SLIT3: variants seen among roughly 807,000 people sequenced by gnomAD.
The protein encoded by SLIT3 is slit homolog 3 protein.
SLIT3 carries 68 observed loss-of-function variants against 184.0 expected under a neutral mutation model. That is an observed-to-expected ratio of 0.37 (90% CI 0.30 to 0.45). SLIT3 has a LOEUF of 0.45. SLIT3 is among the 20% of genes least tolerant of loss of function. The pLI is 1.00. For synonymous variants in SLIT3, 831 were observed against 828.6 expected (o/e 1.00, Z -0.05); for missense variants, 1,707 against 2,026.0 (o/e 0.84, Z 3.02).
intron 5 of SLIT3, among the ~76,000 whole-genome samples, chr5:168,872,528 C>T (rs1432001110): frequency 1.3e-5 from 2 of 151,626 alleles, no homozygotes; most frequent in East Asian, 3.9e-4. Flanking sequence ...ACACTTTCCA[C>T]TCAATTCTTC....
intron 3 of SLIT3, among the ~76,000 whole-genome samples, chr5:169,195,809 A>T (rs1458545544): frequency 6.6e-6 from 1 of 152,150 alleles, no homozygotes; most frequent in African/African-American, 2.4e-5. Context: ...TACAGGAGTG[A>T]GTCACCGTGC....
intron 4 of SLIT3, among the ~76,000 whole-genome samples, chr5:169,048,758 T>C (rs1757713744): frequency 6.6e-6 from 1 of 152,218 alleles, no homozygotes; most frequent in Non-Finnish European, 1.5e-5. Context: ...ACATTGCCTC[T>C]ATCTCATCTC....
At position 169,038,800 on chromosome 5, in the gene SLIT3, A is replaced by G. The variant is rs887722548; in HGVS notation, c.413+154679T>C. On this transcript the variant is annotated intron_variant, in intron 4 of 35. Transcript: ENST00000519560. ...TTGTTCAGTGGTGTCACAGGGAGCTATGCTTTGTTCATATGACACACAGTA... is the reference window on the plus strand; with the variant it reads ...TTGTTCAGTGGTGTCACAGGGAGCTGTGCTTTGTTCATATGACACACAGTA... Among the ~76,000 whole-genome samples the G allele has an allele frequency of 2.0e-5, 3 of 152,282 alleles. 1 individual carries two copies. Among genetic ancestry groups the G allele is most frequent in the African/African-American group, 4.8e-5 (2 of 41,554 alleles).
At chr5:168,777,530 A>G (rs1371806626) in intron 12 of SLIT3, among the ~76,000 whole-genome samples, 4 of 152,034 alleles carry the variant, frequency 2.6e-5, no homozygotes, top group Non-Finnish European at 5.9e-5. Context: ...TTTGTTTCCT[A>G]TTGCTCCTAG....
intron 4 of SLIT3, among the ~76,000 whole-genome samples, chr5:169,188,620 C>A (rs1406420211): frequency 1.3e-5 from 2 of 152,164 alleles, no homozygotes; most frequent in African/African-American, 4.8e-5. Context: ...CTAGGTGCTA[C>A]AAAGTTTATA....
chr5:168,737,650 A>C (rs1763482080), intron 20 of SLIT3, among the ~76,000 whole-genome samples: 1 of 152,222 alleles, frequency 6.6e-6, no homozygotes, highest in Admixed American at 6.5e-5. Context: ...TAGACCAAAA[A>C]TATATGTCTA....
In SLIT3 at chr5:169,085,528, T is replaced by G. The variant is rs75460019; in HGVS notation, c.413+107951A>C. Among the ~76,000 whole-genome samples the G allele has an allele frequency of 6.7e-3, 1,027 of 152,316 alleles. 13 individuals carry two copies. The highest frequency in any genetic ancestry group is 0.024 in the African/African-American group (986 of 41,574). On this transcript the variant is annotated intron_variant, in intron 4 of 35. Transcript: ENST00000519560. ...CTGCAAAACTTAAGGGACTTTTAATTGTCCAGATCCACCCCAATTCCCCAA... is the reference window on the plus strand; with the variant it reads ...CTGCAAAACTTAAGGGACTTTTAATGGTCCAGATCCACCCCAATTCCCCAA...
rs75868766 is a variant in SLIT3, at chr5:169,261,441, C to T, written c.198-9982G>A. Reference sequence around the variant, plus strand: ...GAGAAACACAGATCTTTCTTCCCTTCCTTCTTTCTTCTTTTCTTTCCTTAT... The same window carrying T: ...GAGAAACACAGATCTTTCTTCCCTTTCTTCTTTCTTCTTTTCTTTCCTTAT... On this transcript the variant is annotated intron_variant, in intron 1 of 35. Transcript: ENST00000519560. Among the ~76,000 whole-genome samples the T allele has an allele frequency of 3.7e-3, 558 of 152,210 alleles. 3 individuals are homozygous for T. Among genetic ancestry groups the T allele is most frequent in the African/African-American group, 0.013 (533 of 41,530 alleles).
intron 18 of SLIT3, among the ~76,000 whole-genome samples, chr5:168,752,222 C>T (rs904704554): frequency 2.0e-5 from 3 of 152,094 alleles, no homozygotes; most frequent in Non-Finnish European, 4.4e-5. Flanking sequence ...GCACTGTGAC[C>T]ATGCTGACAG....
chr5:168,774,313 T>A lies in SLIT3; in HGVS notation c.1217A>T (p.Asn406Ile). The A allele has an allele frequency of 6.2e-7, 1 of 1,614,028 alleles. No individual in the cohort carries two copies. The highest frequency in any genetic ancestry group is 8.5e-7 in the Non-Finnish European group (1 of 1,179,970). ...VNTFQDLQNLNLLSLYDNKLQ... is the reference protein window; with the variant it reads ...VNTFQDLQNLILLSLYDNKLQ... ...CTTGTTGTCATACAGGGAGAGCAAG[T>A]TGAGGTTCTGCAGGTCCTGAAACGT... Residue 406 changes from asparagine (N) to isoleucine (I), a missense_variant, in exon 13 of 36, where the codon AAC becomes ATC. Physicochemically the swap from Asn to Ile is moderately radical, Grantham distance 149 (BLOSUM62 -3). Around this residue, in one of 3 missense-constraint regions of SLIT3, gnomAD observed 1,307 missense variants for 1,511.6 expected, o/e 0.86. Transcript: ENST00000519560.
At chr5:169,028,642 G>A (rs891829647) in intron 4 of SLIT3, among the ~76,000 whole-genome samples, 3 of 152,168 alleles carry the variant, frequency 2.0e-5, no homozygotes, top group Non-Finnish European at 4.4e-5. Context: ...GCATTTATTT[G>A]CACATGTCCA....
At chr5:169,093,218 G>A (rs1002183282) in intron 4 of SLIT3, among the ~76,000 whole-genome samples, 2 of 152,082 alleles carry the variant, frequency 1.3e-5, no homozygotes, top group Non-Finnish European at 2.9e-5. Flanking sequence ...CTTCTTTACT[G>A]GTTTCATTCT....
intron 3 of SLIT3, among the ~76,000 whole-genome samples, chr5:169,201,141 G>A (rs546349635): frequency 2.8e-4 from 43 of 152,280 alleles, no homozygotes; most frequent in Non-Finnish European, 5.0e-4. Context: ...ATGGTATTCA[G>A]TATTTGATCA....
At chr5:169,141,021 A>C (rs761494496) in intron 4 of SLIT3, among the ~76,000 whole-genome samples, 1 of 152,138 alleles carries the variant, frequency 6.6e-6, no homozygotes, top group Non-Finnish European at 1.5e-5. Context: ...TCCTTTTCAC[A>C]ATGCGATAAA....
intron 10 of SLIT3, among the ~76,000 whole-genome samples, chr5:168,795,206 G>A (rs1756524809): frequency 6.6e-6 from 1 of 152,232 alleles, no homozygotes. Context: ...CCAAGGGACA[G>A]TATAAATGGT....
At chr5:169,205,739 C>T (rs115450852) in intron 3 of SLIT3, among the ~76,000 whole-genome samples, 20 of 152,184 alleles carry the variant, frequency 1.3e-4, no homozygotes, top group African/African-American at 4.3e-4. Flanking sequence ...CTGCCCAAGC[C>T]CCCTGTGCTG....
At chr5:169,069,827 A>C (rs956799163) in intron 4 of SLIT3, among the ~76,000 whole-genome samples, 1 of 151,976 alleles carries the variant, frequency 6.6e-6, no homozygotes, top group Non-Finnish European at 1.5e-5. Flanking sequence ...AGAACAGAGA[A>C]GCAGGCAGGC....
chr5:169,267,346 T>C (rs1192809220), intron 1 of SLIT3, among the ~76,000 whole-genome samples: 1 of 152,216 alleles, frequency 6.6e-6, no homozygotes, highest in Non-Finnish European at 1.5e-5. Context: ...AAAGTTTAGC[T>C]AAACTAATAA....
chr5:168,708,250 C>T (rs1268871614), intron 25 of SLIT3, 150 bp from the exon 26 acceptor site: 2 of 957,776 alleles, frequency 2.1e-6, no homozygotes, highest in Non-Finnish European at 3.2e-6. Flanking sequence ...TCAGCCAGCA[C>T]ATCCAGTCCA....
Sources: allele counts gnomAD v4.1 joint callset (sites outside exome capture counted in the v4.1 genomes callset), GRCh38; gene constraint gnomAD v4.1.1; regional missense constraint gnomAD v4.1.1; transcripts MANE v1.5; gene names NCBI Gene and HGNC (gene_info 2026-07-23, HGNC 2026-07-21).